NBEAL1: variants seen among roughly 807,000 people sequenced by gnomAD.
NBEAL1 encodes the protein neurobeachin-like protein 1.
In NBEAL1, 273 loss-of-function variants were observed where a neutral mutation model predicts 351.3. That is an observed-to-expected ratio of 0.78 (90% confidence interval 0.70 to 0.86). NBEAL1 has a LOEUF of 0.86. NBEAL1 is among the 40% of genes least tolerant of loss of function. NBEAL1 has a pLI of 0.00. For missense variants in NBEAL1, 2,961 were observed against 3,201.3 expected, an observed-to-expected ratio of 0.92 and a Z score of 1.81; for synonymous variants, 1,050 against 1,086.4, an observed-to-expected ratio of 0.97 and a Z score of 0.66.
intron 24 of NBEAL1, among the ~76,000 whole-genome samples, chr2:203,128,323 GTC>G (rs2062993295): frequency 2.1e-5 from 3 of 140,226 alleles, no homozygotes; most frequent in African/African-American, 8.1e-5. Flanking sequence ...GGTCAGGCTG[GTC>G]TTGAACTCCT....
At chr2:203,021,605 A>T (rs1300002735) in intron 2 of NBEAL1, among the ~76,000 whole-genome samples, 1 of 151,816 alleles carries the variant, frequency 6.6e-6, no homozygotes, top group Non-Finnish European at 1.5e-5. Context: ...AAAAAAAAAA[A>T]TTAGTTTATA....
In NBEAL1 at chr2:203,062,203, A is replaced by G. The variant is rs535364559; in HGVS notation, c.515+4750A>G. 4.4e-6 allele frequency: 2 copies of G among 454,662 alleles called. No homozygotes were observed. Among genetic ancestry groups the G allele is most frequent in the African/African-American group, 4.0e-5 (2 of 50,056 alleles). The allele number at this position is 454,662 out of a possible 1,614,324, so 28.2% of individuals were successfully genotyped here. On this transcript the variant is annotated intron_variant, in intron 6 of 55. Coordinates refer to ENST00000683969, the MANE Select transcript of NBEAL1 (RefSeq NM_001378026.1). This position sits in a 1 kb window ranked among gnomAD's most constrained non-coding sequence, Gnocchi z 4.2. ...TTGTTTACCTTCACACAGTCTCTCTACCATATGACTTACATTTCTCCCATA... is the reference window on the plus strand; with the variant it reads ...TTGTTTACCTTCACACAGTCTCTCTGCCATATGACTTACATTTCTCCCATA...
intron 47 of NBEAL1, among the ~76,000 whole-genome samples, chr2:203,194,865 T>C (rs2105791477): frequency 6.6e-6 from 1 of 152,250 alleles, no homozygotes; most frequent in African/African-American, 2.4e-5. Flanking sequence ...TATAATTTTT[T>C]GATAATGTAG....
chr2:203,210,525 G>A (rs960371753), intron 53 of NBEAL1, among the ~76,000 whole-genome samples: 17 of 151,160 alleles, frequency 1.1e-4, no homozygotes, highest in Admixed American at 5.9e-4. Flanking sequence ...TTAGCTGGGC[G>A]TGGTGTTGGG....
chr2:203,172,767 G>A lies in NBEAL1; in HGVS notation c.6237G>A (p.Leu2079=), dbSNP rs540601459. The A allele has an allele frequency of 6.5e-5, 104 of 1,611,730 alleles. No homozygotes were observed. The South Asian group carries it at 1.0e-3, about 16-fold the overall frequency. ...WILQDYTSEE[L]DLNNPAVFRD... The stretch of plus-strand genomic sequence containing the variant: ...TACAAGATTATACTTCGGAAGAGTT[G>A]GACCTTAATAACCCTGCTGTATTTC... Residue 2079 remains leucine (L), a synonymous_variant, in exon 41 of 56, where the codon TTG becomes TTA. Transcript: ENST00000683969.
In NBEAL1 at chr2:203,107,767, C is replaced by G; in HGVS notation, c.1528C>G (p.Arg510Gly). The change falls in exon 14 of 56, where the codon CGA becomes GGA. Residue 510 changes from arginine to glycine, a missense_variant. Arg to Gly is a moderately radical substitution (Grantham distance 125). Transcript: ENST00000683969. ...KRICCINRQS[R>G]TTCVNANMGI... The stretch of plus-strand genomic sequence containing the variant: ...AATTTGTTGTATTAATAGACAGAGT[C>G]GAACTACTTGTGTCAATGCAAACAT... 6.4e-7 allele frequency: 1 copy of G among 1,554,182 alleles called. No individual in the cohort carries two copies. The highest frequency in any genetic ancestry group is 8.7e-7 in the Non-Finnish European group (1 of 1,147,628).
chr2:203,172,866 T>A lies in NBEAL1; in HGVS notation c.6323+13T>A. On this transcript the variant is annotated intron_variant, in intron 41 of 55. Transcript: ENST00000683969. ...CTATGAGAGAAAAGTAAGTGCTTCT[T>A]ATTCCTTTTATAAAATACACATTGC... The A allele has an allele frequency of 6.3e-7, 1 of 1,587,984 alleles. No homozygotes were observed. The highest frequency in any genetic ancestry group is 8.5e-7 in the Non-Finnish European group (1 of 1,169,648).
chr2:203,200,139 A>T (rs767903160), intron 49 of NBEAL1, among the ~76,000 whole-genome samples: 32 of 152,196 alleles, frequency 2.1e-4, no homozygotes, highest in Non-Finnish European at 4.1e-4. Flanking sequence ...AAAACTTGGG[A>T]AGCTGAGGCA....
chr2:203,157,791 C>T lies in NBEAL1; in HGVS notation c.5680C>T (p.Leu1894Phe). 6 of 1,587,410 alleles carry T rather than the reference C, an allele frequency of 3.8e-6. No individual in the cohort carries two copies. Among genetic ancestry groups the T allele is most frequent in the Non-Finnish European group, 4.3e-6 (5 of 1,167,558 alleles). Residue 1894 changes from leucine (L) to phenylalanine (F), a missense_variant, in exon 36 of 56, where the codon CTT becomes TTT. Coordinates refer to ENST00000683969, the MANE Select transcript of NBEAL1 (RefSeq NM_001378026.1). ...VSDMVEDKLDLPEEDITARVN... is the reference protein window; with the variant it reads ...VSDMVEDKLDFPEEDITARVN... ...TGATATGGTGGAGGATAAATTAGAC[C>T]TTCCTGAAGAGGATATAACAGCTAG... is the stretch of plus-strand genomic sequence containing the variant.
intron 18 of NBEAL1, among the ~76,000 whole-genome samples, 184 bp downstream of exon 18, chr2:203,116,254 A>C (rs778472594): frequency 3.9e-5 from 6 of 152,172 alleles, no homozygotes; most frequent in Non-Finnish European, 8.8e-5. Flanking sequence ...CTCCTCCACG[A>C]GGGTCCAAAT....
intron 10 of NBEAL1, 42 bp downstream of exon 10, chr2:203,084,611 T>C: frequency 8.2e-7 from 1 of 1,222,922 alleles, no homozygotes; most frequent in Non-Finnish European, 1.1e-6. Context: ...TTTAAGAAGC[T>C]ATTTTTTGTT....
chr2:203,207,062 T>TGCCCTGTC (rs2065606041), intron 51 of NBEAL1, among the ~76,000 whole-genome samples: 1 of 149,964 alleles, frequency 6.7e-6, no homozygotes, highest in Admixed American at 6.6e-5. Flanking sequence ...GGAGCGCCTC[T>TGCCCTGTC]GCCCTGTCGC....
intron 12 of NBEAL1, among the ~76,000 whole-genome samples, chr2:203,100,354 G>C (rs531392696): frequency 6.6e-6 from 1 of 152,128 alleles, no homozygotes; most frequent in South Asian, 2.1e-4. Flanking sequence ...GAGCTAATTT[G>C]CATCCCACCA....
intron 3 of NBEAL1, among the ~76,000 whole-genome samples, chr2:203,047,846 C>T (rs961508379): frequency 2.7e-5 from 4 of 150,280 alleles, no homozygotes; most frequent in East Asian, 2.0e-4. Flanking sequence ...TGGGCTCAAG[C>T]GATCCTCCTG....
At chr2:203,173,947 T>C (rs1457258936) in intron 41 of NBEAL1, among the ~76,000 whole-genome samples, 1 of 152,008 alleles carries the variant, frequency 6.6e-6, no homozygotes, top group Non-Finnish European at 1.5e-5. Flanking sequence ...CAAAAATCTT[T>C]TATTCTTATT....
At chr2:203,136,546 C>T (rs921003052) in intron 28 of NBEAL1, 53 bp from the exon 29 acceptor site, 3 of 1,307,742 alleles carry the variant, frequency 2.3e-6, no homozygotes, top group Non-Finnish European at 2.1e-6. Flanking sequence ...TTATGATGTG[C>T]TTTGAACAAC....
chr2:203,211,090 A>C lies in NBEAL1; in HGVS notation c.7918A>C (p.Ile2640Leu). ...VTGSIQGFLS[I>L]RDLHSLNLSI... Reference sequence around the variant, plus strand: ...AGGCAGCATACAAGGATTCCTGTCTATAAGAGATCTCCACAGGTAAATAAT... The same window carrying C: ...AGGCAGCATACAAGGATTCCTGTCTCTAAGAGATCTCCACAGGTAAATAAT... The change falls in exon 54 of 56, where the codon ATA (isoleucine) becomes CTA (leucine). Residue 2640 changes from isoleucine (I) to leucine (L), a missense_variant. Physicochemically the swap from Ile to Leu is conservative, Grantham distance 5. Transcript: ENST00000683969. The C allele has an allele frequency of 6.3e-7, 1 of 1,588,328 alleles. No homozygotes were observed. Among genetic ancestry groups the C allele is most frequent in the Non-Finnish European group, 8.6e-7 (1 of 1,167,446 alleles).
chr2:203,157,893 C>G, intron 36 of NBEAL1, 68 bp downstream of exon 36: 1 of 1,271,146 alleles, frequency 7.9e-7, no homozygotes, highest in East Asian at 2.7e-5. Flanking sequence ...AAAAGATTTG[C>G]TTGAAATTCT....
chr2:203,040,897 A>G, intron 2 of NBEAL1: 1 of 387,062 alleles, frequency 2.6e-6, no homozygotes, highest in South Asian at 2.2e-5. Flanking sequence ...CCAGCTGAAC[A>G]AGACCCAGAA....
Sources: allele counts gnomAD v4.1 joint callset (sites outside exome capture counted in the v4.1 genomes callset), GRCh38; gene constraint gnomAD v4.1.1; non-coding constraint Gnocchi (gnomAD v3.1); transcripts MANE v1.5; gene names NCBI Gene and HGNC (gene_info 2026-07-23, HGNC 2026-07-21).